The following PLAC1 variants were observed in gnomAD, a reference collection of about 807,000 sequenced individuals.
The protein encoded by PLAC1 is placenta associated 1.
For missense variants in PLAC1, 136 were observed against 163.2 expected, an observed-to-expected ratio of 0.83 and a Z score of 0.91; for synonymous variants, 68 against 62.1, an observed-to-expected ratio of 1.09 and a Z score of -0.44.
chrX:134,727,847 C>T (rs1485785851), intron 2 of PLAC1, among the ~76,000 whole-genome samples: 2 of 111,924 alleles, frequency 1.8e-5, no homozygotes, highest in African/African-American at 6.5e-5. Flanking sequence ...AGATTTAAAT[C>T]AGCTATTTCA....
At chrX:134,662,027 T>G (rs2078418362), upstream of PLAC1, among the ~76,000 whole-genome samples, 1 of 111,936 alleles carries the variant, frequency 8.9e-6, no homozygotes, top group Non-Finnish European at 1.9e-5. Context: ...TCACTCAAGC[T>G]GAGGAGTTCC....
At chrX:134,650,452 C>T in intron 1 of PLAC1, among the ~76,000 whole-genome samples, 1 of 110,602 alleles carries the variant, frequency 9.0e-6, no homozygotes. Context: ...GACTTATTCC[C>T]GAGACCCTCA....
intron 2 of PLAC1, among the ~76,000 whole-genome samples, chrX:134,675,608 T>C (rs984202054): frequency 3.7e-5 from 4 of 108,899 alleles, no homozygotes; most frequent in African/African-American, 1.3e-4. Context: ...GAGTTTGTGG[T>C]GAGCCAAGTT....
intron 2 of PLAC1, among the ~76,000 whole-genome samples, chrX:134,669,664 G>A (rs1010925889): frequency 2.7e-5 from 3 of 112,298 alleles, no homozygotes; most frequent in Non-Finnish European, 5.6e-5. Context: ...AGAGCACTTG[G>A]GATGGGGAAA....
chrX:134,745,499 T>C (rs2078727129), intron 1 of PLAC1, among the ~76,000 whole-genome samples: 1 of 111,890 alleles, frequency 8.9e-6, no homozygotes, highest in African/African-American at 3.3e-5. Context: ...CAAACCACAA[T>C]GGCTACCATC....
At chrX:134,620,241 C>T (rs2078204346) in intron 1 of PLAC1, among the ~76,000 whole-genome samples, 1 of 112,344 alleles carries the variant, frequency 8.9e-6, no homozygotes, top group African/African-American at 3.2e-5. Flanking sequence ...CTTATAGTGG[C>T]CCATGTTATT....
At chrX:134,626,396 A>G (rs1464586834) in intron 1 of PLAC1, among the ~76,000 whole-genome samples, 2 of 112,438 alleles carry the variant, frequency 1.8e-5, no homozygotes, top group Non-Finnish European at 3.8e-5. Flanking sequence ...ATGCTCAGTA[A>G]ATATTTGTCA....
At chrX:134,748,958 G>A (rs968033565) in intron 1 of PLAC1, among the ~76,000 whole-genome samples, 2 of 111,999 alleles carry the variant, frequency 1.8e-5, no homozygotes, top group Non-Finnish European at 3.8e-5. Context: ...TTCTAATCAG[G>A]GTTACTCACT....
chrX:134,572,147 TA>T (rs933482292), intron 2 of PLAC1, among the ~76,000 whole-genome samples: 1 of 111,515 alleles, frequency 9.0e-6, no homozygotes, highest in African/African-American at 3.3e-5. Flanking sequence ...TGAGTCAGAA[TA>T]AAGATTCTTT....
At chrX:134,732,240 A>G (rs920832096) in intron 2 of PLAC1, among the ~76,000 whole-genome samples, 44 of 111,502 alleles carry the variant, frequency 3.9e-4, no homozygotes, top group Middle Eastern at 4.6e-3. Context: ...TGAGAAGCCC[A>G]AGATTAGGCC....
intron 2 of PLAC1, among the ~76,000 whole-genome samples, chrX:134,718,455 C>T (rs1222785970): frequency 8.9e-6 from 1 of 112,303 alleles, no homozygotes; most frequent in East Asian, 2.8e-4. Flanking sequence ...AGTGAGTCAC[C>T]GTTTTTACAG....
At chrX:134,691,751 G>A (rs1363009184) in intron 2 of PLAC1, among the ~76,000 whole-genome samples, 2 of 111,593 alleles carry the variant, frequency 1.8e-5, no homozygotes, top group South Asian at 3.8e-4. Context: ...GCAGCTAGAT[G>A]AGATGGGGGG....
intron 2 of PLAC1, among the ~76,000 whole-genome samples, chrX:134,684,798 G>A (rs189805770): frequency 1.5e-4 from 17 of 112,065 alleles, no homozygotes; most frequent in African/African-American, 5.5e-4. Flanking sequence ...CTGGAGGGGG[G>A]AGATAATTAG....
chrX:134,663,894 A>G (rs1406915385), intron 2 of PLAC1, among the ~76,000 whole-genome samples: 1 of 111,507 alleles, frequency 9.0e-6, no homozygotes, highest in Non-Finnish European at 1.9e-5. Flanking sequence ...TTGAGGGAAC[A>G]TTGGGCTATA....
In PLAC1 at chrX:134,747,296, A is replaced by T. The variant is rs189817004; in HGVS notation, n.90-13777T>A. ...CTAACACCTGCCTATCCAGGAGGCC[A>T]AAAGAGCATATGCCCAAAAGTTTGT... On this transcript the variant is annotated intron_variant and non_coding_transcript_variant, in intron 1 of 2. Transcript: ENST00000466797. 2.7e-5 allele frequency among the ~76,000 whole-genome samples: 3 copies of T among 110,920 alleles called. No homozygotes were observed. The East Asian group carries it at 8.5e-4, about 31-fold the overall frequency.
chrX:134,634,271 T>A (rs1283697002), intron 1 of PLAC1, among the ~76,000 whole-genome samples: 1 of 112,268 alleles, frequency 8.9e-6, no homozygotes, highest in Non-Finnish European at 1.9e-5. Flanking sequence ...AGAGTGCCCA[T>A]GTCCTTGCTA....
chrX:134,721,913 T>A (rs2078659236), intron 2 of PLAC1, among the ~76,000 whole-genome samples: 1 of 111,615 alleles, frequency 9.0e-6, no homozygotes, highest in South Asian at 3.8e-4. Context: ...CAGGAAGTGT[T>A]GGCAAGGGTG....
intron 2 of PLAC1, among the ~76,000 whole-genome samples, chrX:134,587,853 C>T (rs1022915644): frequency 8.9e-6 from 1 of 112,218 alleles, no homozygotes; most frequent in Non-Finnish European, 1.9e-5. Flanking sequence ...TTCAATGAGG[C>T]AGGCAGTGCG....
chrX:134,626,902 C>T (rs1033335188), intron 1 of PLAC1, among the ~76,000 whole-genome samples: 4 of 111,633 alleles, frequency 3.6e-5, no homozygotes, highest in African/African-American at 1.3e-4. Context: ...GCCAATCTTC[C>T]TCCTAGAAGC....
Sources: gnomAD v4.1 joint callset for allele counts (sites outside exome capture counted in the v4.1 genomes callset) on GRCh38, gnomAD v4.1.1 for gene constraint, MANE v1.5 for transcripts, NCBI Gene and HGNC (gene_info 2026-07-23, HGNC 2026-07-21) for gene names.